The following TASP1 variants were observed in gnomAD, a reference collection of about 807,000 sequenced individuals.
The protein encoded by TASP1 is taspase 1.
TASP1 carries 16 observed loss-of-function variants against 56.6 expected under a neutral mutation model. That is an observed-to-expected ratio of 0.28 (90% CI 0.19 to 0.43). The LOEUF (loss-of-function observed/expected upper bound fraction) is 0.43, where lower values mean the gene tolerates loss of function less well. Ranked by LOEUF, TASP1 falls within the 20% of genes least tolerant of loss-of-function variation. The pLI is 1.00. For missense variants in TASP1, 393 were observed against 511.6 expected, an observed-to-expected ratio of 0.77 and a Z score of 2.24; for synonymous variants, 179 against 184.2, an observed-to-expected ratio of 0.97 and a Z score of 0.23.
chr20:13,288,510 T>C, the TASP1 span: 25 of 1,609,158 alleles, frequency 1.6e-5, no homozygotes, highest in African/African-American at 8.0e-5. Context: ...TTGGCCAAAG[T>C]TGATGACCAT....
At chr20:13,625,903 A>G (rs2048870682) in intron 2 of TASP1, among the ~76,000 whole-genome samples, 1 of 152,090 alleles carries the variant, frequency 6.6e-6, no homozygotes, top group Non-Finnish European at 1.5e-5. Flanking sequence ...ATACCCAAGA[A>G]CTGTCTCAAG....
rs531438319 is a variant in TASP1, at chr20:13,625,062, A to G, written c.213+123T>C. On this transcript the variant is annotated intron_variant, in intron 3 of 13. Transcript: ENST00000337743. Reference sequence around the variant, plus strand: ...ACGATCCCCTACAAAAACAAGCAAAATAATTTTGTAGTCCAAACTGGAAGA... The same window carrying G: ...ACGATCCCCTACAAAAACAAGCAAAGTAATTTTGTAGTCCAAACTGGAAGA... 1.9e-5 allele frequency: 12 copies of G among 634,768 alleles called. No individual in the cohort carries two copies. The African/African-American group carries it at 2.3e-4, about 12-fold the overall frequency. 39.3% of individuals were successfully genotyped at this position (634,768 alleles called of 1,614,324 possible).
intron 6 of TASP1, 51 bp downstream of exon 6, chr20:13,580,846 G>T: frequency 6.3e-7 from 1 of 1,577,936 alleles, no homozygotes; most frequent in Non-Finnish European, 8.7e-7. Flanking sequence ...AGCCTTCTGT[G>T]GATAAAAATG....
chr20:13,134,840 G>T, the TASP1 span, among the ~76,000 whole-genome samples: 1 of 152,196 alleles, frequency 6.6e-6, no homozygotes. Context: ...CATGAAATGT[G>T]TTTGGATCCA....
At chr20:13,420,290 G>A (rs537831705) in intron 12 of TASP1, among the ~76,000 whole-genome samples, 23 of 152,192 alleles carry the variant, frequency 1.5e-4, no homozygotes, top group Non-Finnish European at 2.8e-4. Context: ...ACTTACAAAA[G>A]AGGATAAATT....
the TASP1 span, among the ~76,000 whole-genome samples, chr20:13,134,427 G>T: frequency 1.3e-5 from 2 of 152,168 alleles, no homozygotes; most frequent in Non-Finnish European, 2.9e-5. Flanking sequence ...GTTGGGGAAA[G>T]TTCCCCCGCA....
At chr20:13,291,680 A>G in the TASP1 span, among the ~76,000 whole-genome samples, 2 of 152,212 alleles carry the variant, frequency 1.3e-5, no homozygotes, top group Admixed American at 1.3e-4. Flanking sequence ...GCAAATTATG[A>G]GAAGCCCAAC....
chr20:13,622,628 G>A (rs2048755354), intron 4 of TASP1, among the ~76,000 whole-genome samples: 1 of 152,150 alleles, frequency 6.6e-6, no homozygotes, highest in Non-Finnish European at 1.5e-5. Flanking sequence ...CTTGGTATGA[G>A]AGCCTAAATA....
At chr20:13,427,660 A>G (rs1306618078) in intron 12 of TASP1, among the ~76,000 whole-genome samples, 6 of 152,212 alleles carry the variant, frequency 3.9e-5, no homozygotes, top group African/African-American at 1.4e-4. Context: ...AGAGGCCCAC[A>G]TAGGGGCTTC....
the TASP1 span, among the ~76,000 whole-genome samples, chr20:13,361,553 T>G: frequency 1.3e-5 from 2 of 152,190 alleles, no homozygotes; most frequent in Non-Finnish European, 2.9e-5. Flanking sequence ...CTTCTCAGAA[T>G]TCAGGCCTGT....
At chr20:13,535,103 C>T (rs137986811) in intron 8 of TASP1, among the ~76,000 whole-genome samples, 106 of 152,210 alleles carry the variant, frequency 7.0e-4, no homozygotes, top group African/African-American at 2.5e-3. Context: ...GGCCCAACGC[C>T]GGGTTCAACA....
intron 6 of TASP1, among the ~76,000 whole-genome samples, chr20:13,574,367 G>A (rs938712576): frequency 1.3e-5 from 2 of 152,024 alleles, no homozygotes; most frequent in African/African-American, 4.8e-5. Context: ...TAAAATGTAA[G>A]AATAGTTTTT....
At chr20:13,346,825 T>G in the TASP1 span, among the ~76,000 whole-genome samples, 10 of 152,234 alleles carry the variant, frequency 6.6e-5, no homozygotes, top group African/African-American at 9.6e-5. Flanking sequence ...GGGGCCCCTT[T>G]CCAGGAGGGC....
chr20:13,137,189 C>T, the TASP1 span, among the ~76,000 whole-genome samples: 2 of 152,162 alleles, frequency 1.3e-5, no homozygotes, highest in Non-Finnish European at 2.9e-5. Flanking sequence ...AATAGAAATG[C>T]TCCCTAGCAG....
At chr20:13,535,618 C>T (rs2045388388) in intron 8 of TASP1, among the ~76,000 whole-genome samples, 1 of 152,190 alleles carries the variant, frequency 6.6e-6, no homozygotes, top group Non-Finnish European at 1.5e-5. Context: ...TTCAAGAATA[C>T]TTCCTGGCCT....
the TASP1 span, among the ~76,000 whole-genome samples, chr20:13,292,989 G>A: frequency 1.2e-3 from 187 of 152,138 alleles, no homozygotes; most frequent in African/African-American, 4.0e-3. Context: ...GAGGTCAGGA[G>A]ATCAAGACCA....
At chr20:13,512,146 G>T (rs1274990864) in intron 10 of TASP1, among the ~76,000 whole-genome samples, 1 of 152,194 alleles carries the variant, frequency 6.6e-6, no homozygotes, top group African/African-American at 2.4e-5. Context: ...GGGTCAAATG[G>T]TATTTCTAGT....
chr20:13,412,595 C>T (rs1461115166), intron 13 of TASP1, among the ~76,000 whole-genome samples: 6 of 152,160 alleles, frequency 3.9e-5, no homozygotes, highest in Non-Finnish European at 5.9e-5. Context: ...AGTCTCCCTC[C>T]TATGGCTTTA....
intron 4 of TASP1, among the ~76,000 whole-genome samples, chr20:13,608,445 C>A (rs557803105): frequency 5.2e-4 from 79 of 152,316 alleles, no homozygotes; most frequent in African/African-American, 1.8e-3. Context: ...CCAGGCAAAT[C>A]TTTTCTGTAA....
Sources: gnomAD v4.1 joint callset for allele counts (sites outside exome capture counted in the v4.1 genomes callset) on GRCh38, gnomAD v4.1.1 for gene constraint, MANE v1.5 for transcripts, NCBI Gene and HGNC (gene_info 2026-07-23, HGNC 2026-07-21) for gene names.